PEX14: variants seen among roughly 807,000 people sequenced by gnomAD.
PEX14 encodes peroxisomal membrane protein PEX14.
Under a neutral mutation model 49.5 loss-of-function variants are expected in PEX14, and 15 were observed. The ratio of observed to expected loss-of-function variants is 0.30; its 90% CI spans 0.20 to 0.47. The LOEUF (loss-of-function observed/expected upper bound fraction) is 0.47, where lower values mean the gene tolerates loss of function less well. Ranked by LOEUF, PEX14 falls within the 20% of genes least tolerant of loss-of-function variation. The probability of loss-of-function intolerance (pLI) is 1.00; values close to 1 mark genes in which losing one functional copy is unlikely to be tolerated. For missense variants in PEX14, 398 were observed against 494.8 expected, an observed-to-expected ratio of 0.80 and a Z score of 1.86; for synonymous variants, 210 against 212.7, an observed-to-expected ratio of 0.99 and a Z score of 0.11.
intron 1 of PEX14, among the ~76,000 whole-genome samples, chr1:10,483,029 C>T (rs148179100): frequency 2.0e-5 from 3 of 152,210 alleles, no homozygotes; most frequent in Admixed American, 1.3e-4. Context: ...ATCTGTGTAT[C>T]ATATCTGGAG....
chr1:10,621,571 G>A (rs1255010811), intron 5 of PEX14, among the ~76,000 whole-genome samples: 4 of 152,030 alleles, frequency 2.6e-5, no homozygotes, highest in Non-Finnish European at 5.9e-5. Context: ...GGTCTCGAAC[G>A]CCTGACCTCA....
chr1:10,586,030 G>T (rs1640474575), intron 3 of PEX14, among the ~76,000 whole-genome samples: 1 of 152,128 alleles, frequency 6.6e-6, no homozygotes, highest in African/African-American at 2.4e-5. Flanking sequence ...AAGCAAAACT[G>T]GACAGACCTG....
At chr1:10,621,010 G>A (rs1271872117) in intron 5 of PEX14, among the ~76,000 whole-genome samples, 2 of 152,202 alleles carry the variant, frequency 1.3e-5, no homozygotes, top group African/African-American at 2.4e-5. Context: ...GTGGCCTGAC[G>A]GGAGCGGGAG....
chr1:10,598,090 C>T (rs1011968028), intron 3 of PEX14, among the ~76,000 whole-genome samples: 4 of 152,190 alleles, frequency 2.6e-5, no homozygotes, highest in East Asian at 1.9e-4. Flanking sequence ...GGAGAGCTGC[C>T]GACCAGATGT....
At chr1:10,606,873 A>C (rs1641140499) in intron 4 of PEX14, among the ~76,000 whole-genome samples, 1 of 152,160 alleles carries the variant, frequency 6.6e-6, no homozygotes, top group African/African-American at 2.4e-5. Flanking sequence ...TAAAAGTCTT[A>C]TTGAGATGTA....
At chr1:10,563,799 C>G (rs1348132880) in intron 3 of PEX14, among the ~76,000 whole-genome samples, 1 of 151,968 alleles carries the variant, frequency 6.6e-6, no homozygotes, top group African/African-American at 2.4e-5. Flanking sequence ...GTAGTTCCAG[C>G]TACTCGGGAG....
intron 4 of PEX14, among the ~76,000 whole-genome samples, chr1:10,601,297 A>G (rs1202419308): frequency 2.7e-5 from 4 of 150,932 alleles, no homozygotes; most frequent in Non-Finnish European, 5.9e-5. Context: ...GTTAGATATC[A>G]GATTTTAAAA....
intron 3 of PEX14, among the ~76,000 whole-genome samples, chr1:10,566,759 C>T (rs1201506137): frequency 1.3e-5 from 2 of 151,962 alleles, no homozygotes; most frequent in Admixed American, 6.6e-5. Flanking sequence ...TCAGGTGATC[C>T]GCCCGCCTCG....
chr1:10,556,458 A>G (rs924326988), intron 3 of PEX14, among the ~76,000 whole-genome samples: 3 of 152,004 alleles, frequency 2.0e-5, no homozygotes, highest in African/African-American at 4.8e-5. Flanking sequence ...CAGGGTTTCT[A>G]TTATACTAAT....
intron 2 of PEX14, among the ~76,000 whole-genome samples, chr1:10,500,401 A>AAC (rs1641655441): frequency 7.0e-6 from 1 of 142,132 alleles, no homozygotes; most frequent in Non-Finnish European, 1.6e-5. Context: ...AAAAAAAAAA[A>AAC]AGAAAAGAAA....
chr1:10,566,246 G>T (rs541065294), intron 3 of PEX14, among the ~76,000 whole-genome samples: 2 of 152,140 alleles, frequency 1.3e-5, no homozygotes, highest in Non-Finnish European at 2.9e-5. Context: ...TTTCTCTTTT[G>T]AACTTAAGAG....
At chr1:10,522,815 G>A (rs924871176) in intron 2 of PEX14, among the ~76,000 whole-genome samples, 6 of 152,132 alleles carry the variant, frequency 3.9e-5, no homozygotes, top group African/African-American at 1.4e-4. Flanking sequence ...TTTGAAAGCA[G>A]AACAAACAAA....
chr1:10,588,465 T>G (rs1306362570), intron 3 of PEX14, among the ~76,000 whole-genome samples: 1 of 152,222 alleles, frequency 6.6e-6, no homozygotes, highest in Non-Finnish European at 1.5e-5. Flanking sequence ...TCCATAGTTC[T>G]GCCTCTTATG....
At chr1:10,520,537 T>C (rs865859182) in intron 2 of PEX14, among the ~76,000 whole-genome samples, 8 of 152,030 alleles carry the variant, frequency 5.3e-5, no homozygotes, top group Non-Finnish European at 5.9e-5. Context: ...AAAGATAAAT[T>C]TAGCAACATG....
rs115133127 is a variant in PEX14, at chr1:10,514,286, G to A, written c.84+18965G>A. Among the ~76,000 whole-genome samples, 2,165 of 151,344 alleles carry A rather than the reference G, an allele frequency of 0.014. 47 individuals are homozygous for A. The highest frequency in any genetic ancestry group is 0.049 in the African/African-American group (2,031 of 41,324). ...TCTCCCAGTTCAGGTTGATTTGTAC[G>A]GTGCTGCTCAGCCCACGTATTGTGC... On this transcript the variant is annotated intron_variant, in intron 2 of 8. Coordinates refer to ENST00000356607, the MANE Select transcript of PEX14 (RefSeq NM_004565.3). The surrounding 1 kb of genome is among the most constrained non-coding windows in gnomAD (Gnocchi z 4.4).
At chr1:10,511,339 C>T (rs912551393) in intron 2 of PEX14, among the ~76,000 whole-genome samples, 4 of 151,956 alleles carry the variant, frequency 2.6e-5, no homozygotes, top group Admixed American at 6.6e-5. Flanking sequence ...TTCTCTGTCC[C>T]TCCCTTCCTT....
At position 10,494,215 on chromosome 1, in the gene PEX14, G is replaced by C. The variant is rs1641517794; in HGVS notation, c.37-1059G>C. ...TGTGCCAGCTAATGTGGTAGTAGCT[G>C]GGCATGAGGAATTTTTGGGAACCCT... On this transcript the variant is annotated intron_variant, in intron 1 of 8. Coordinates refer to ENST00000356607, the MANE Select transcript of PEX14 (RefSeq NM_004565.3). The surrounding 1 kb of genome is among the most constrained non-coding windows in gnomAD (Gnocchi z 4.3). Among the ~76,000 whole-genome samples the C allele has an allele frequency of 6.6e-6, 1 of 152,208 alleles. No individual in the cohort carries two copies. The highest frequency in any genetic ancestry group is 1.5e-5 in the Non-Finnish European group (1 of 68,028).
At chr1:10,577,562 ATT>A (rs1164876121) in intron 3 of PEX14, among the ~76,000 whole-genome samples, 1 of 6,228 alleles carries the variant, frequency 1.6e-4, no homozygotes, top group African/African-American at 4.6e-4. Context: ...ATATATATAT[ATT>A]TTTTTTTTTT....
At chr1:10,500,398 A>G (rs941969792) in intron 2 of PEX14, among the ~76,000 whole-genome samples, 10 of 148,684 alleles carry the variant, frequency 6.7e-5, no homozygotes, top group African/African-American at 1.5e-4. Flanking sequence ...AAAAAAAAAA[A>G]AAAAGAAAAG....
Sources: gnomAD v4.1 joint callset for allele counts (sites outside exome capture counted in the v4.1 genomes callset) on GRCh38, gnomAD v4.1.1 for gene constraint, Gnocchi (gnomAD v3.1) non-coding constraint, MANE v1.5 for transcripts, NCBI Gene and HGNC (gene_info 2026-07-23, HGNC 2026-07-21) for gene names.